Variants in MTMR7 observed in about 807,000 individuals in gnomAD.
The protein encoded by MTMR7 is myotubularin related protein 7.
MTMR7 carries 76 observed loss-of-function variants against 81.2 expected under a neutral mutation model. The observed-to-expected ratio is 0.94, with a 90% CI of 0.78 to 1.13. The LOEUF is 1.13. Among genes scored for constraint, MTMR7 ranks in the 50% most tolerant of loss-of-function variants. The probability of loss-of-function intolerance (pLI) is 0.00; values close to 1 mark genes in which losing one functional copy is unlikely to be tolerated. For synonymous variants in MTMR7, 372 were observed against 289.8 expected (o/e 1.28, Z -2.88); for missense variants, 1,044 against 820.0 (o/e 1.27, Z -3.34).
At chr8:17,367,805 A>C (rs929003573) in intron 3 of MTMR7, among the ~76,000 whole-genome samples, 4 of 151,870 alleles carry the variant, frequency 2.6e-5, no homozygotes, top group African/African-American at 9.7e-5. Flanking sequence ...CCCTCTGCTA[A>C]CAGCTGGAAA....
chr8:17,306,236 A>C (rs1450069842), intron 10 of MTMR7, among the ~76,000 whole-genome samples: 1 of 152,174 alleles, frequency 6.6e-6, no homozygotes, highest in African/African-American at 2.4e-5. Context: ...CCACAGAAAA[A>C]GGGCATTTTT....
At chr8:17,388,200 A>T (rs1432337950) in intron 1 of MTMR7, among the ~76,000 whole-genome samples, 1 of 152,238 alleles carries the variant, frequency 6.6e-6, no homozygotes, top group Non-Finnish European at 1.5e-5. Context: ...CTGGATATGT[A>T]GGCTTAAAAG....
At chr8:17,340,015 G>C (rs11203844) in intron 6 of MTMR7, among the ~76,000 whole-genome samples, 1 of 152,104 alleles carries the variant, frequency 6.6e-6, no homozygotes, top group Non-Finnish European at 1.5e-5. Context: ...GCAATGGCAC[G>C]ATCTCGGCTC....
chr8:17,303,123 TACTTTGAGGGCAAGG>T (rs1251778726), intron 12 of MTMR7, among the ~76,000 whole-genome samples: 1 of 152,202 alleles, frequency 6.6e-6, no homozygotes, highest in African/African-American at 2.4e-5. Context: ...GATAAGTAAG[TACTTTGAGGGCAAGG>T]ACTTGGTGTC....
intron 4 of MTMR7, among the ~76,000 whole-genome samples, chr8:17,350,997 G>A (rs1375744496): frequency 1.3e-5 from 2 of 152,098 alleles, no homozygotes; most frequent in Non-Finnish European, 1.5e-5. Context: ...CATAAAACAC[G>A]GCACTCCCTC....
intron 7 of MTMR7, among the ~76,000 whole-genome samples, chr8:17,323,985 G>A (rs1818540177): frequency 1.3e-5 from 2 of 152,156 alleles, no homozygotes; most frequent in South Asian, 2.1e-4. Context: ...ACATCGCTGA[G>A]AGAAATATAA....
intron 1 of MTMR7, among the ~76,000 whole-genome samples, chr8:17,396,672 G>A (rs1369640912): frequency 6.6e-6 from 1 of 152,040 alleles, no homozygotes; most frequent in Non-Finnish European, 1.5e-5. Flanking sequence ...GCAACTCCTA[G>A]TCAAGTCCTA....
At chr8:17,357,111 T>C (rs1269623606) in intron 4 of MTMR7, among the ~76,000 whole-genome samples, 10 of 152,298 alleles carry the variant, frequency 6.6e-5, no homozygotes, top group African/African-American at 2.4e-4. Context: ...TTTAAAACTA[T>C]GTTATATTTG....
intron 5 of MTMR7, among the ~76,000 whole-genome samples, chr8:17,348,028 G>C (rs1047062461): frequency 5.9e-5 from 9 of 152,126 alleles, no homozygotes. Flanking sequence ...AGGCTAAGTG[G>C]GGTGGGGCCA....
At chr8:17,388,739 G>C (rs949910644) in intron 1 of MTMR7, among the ~76,000 whole-genome samples, 2 of 152,086 alleles carry the variant, frequency 1.3e-5, no homozygotes, top group African/African-American at 4.8e-5. Context: ...CAGGCACAGA[G>C]AGACCCAAGT....
chr8:17,381,562 G>A (rs955831638), intron 1 of MTMR7, among the ~76,000 whole-genome samples: 2 of 152,180 alleles, frequency 1.3e-5, no homozygotes, highest in African/African-American at 2.4e-5. Flanking sequence ...AATCCAAAGT[G>A]CAGGGCCGGG....
Position 17,338,299 on chromosome 8 carries a change from CT to C in MTMR7, c.732+3063del, listed in dbSNP as rs56739945. Among the ~76,000 whole-genome samples the C allele has an allele frequency of 4.7e-3, 714 of 152,272 alleles. 4 individuals carry two copies. Among genetic ancestry groups the C allele is most frequent in the African/African-American group, 0.016 (668 of 41,546 alleles). On this transcript the variant is annotated intron_variant, in intron 6 of 13. Coordinates refer to ENST00000180173, the MANE Select transcript of MTMR7 (RefSeq NM_004686.5). The stretch of plus-strand genomic sequence containing the variant: ...TCCTTTGGATTAACTTATTTTAAAT[CT>C]GGAATATGCCTGGCTCTACAGCTGC...
intron 4 of MTMR7, chr8:17,349,573 TC>T (rs57633253): frequency 0.025 from 3,870 of 155,710 alleles, 179 homozygotes; most frequent in African/African-American, 0.089. Flanking sequence ...AGCTGATGCC[TC>T]CCCGGACACT....
Position 17,305,985 on chromosome 8 carries a change from TA to T in MTMR7, c.1152-29del, listed in dbSNP as rs778698034. 3.2e-6 allele frequency: 5 copies of T among 1,547,254 alleles called. No individual in the cohort carries two copies. The South Asian group carries it at 5.9e-5, about 18-fold the overall frequency. ...ATAAAACAAAGCATTAGAGACTTTT[TA>T]AGGCAGATTTATTTTTAAAGTACAA... On this transcript the variant is annotated intron_variant, in intron 10 of 13. Transcript: ENST00000180173.
chr8:17,397,424 G>T (rs1425928528), intron 1 of MTMR7, among the ~76,000 whole-genome samples: 1 of 152,134 alleles, frequency 6.6e-6, no homozygotes, highest in African/African-American at 2.4e-5. Flanking sequence ...GAACGTCGGT[G>T]GTGGCCTGCA....
At chr8:17,306,016 A>G (rs1363136451) in intron 10 of MTMR7, 59 bp from the exon 11 acceptor site, 2 of 1,406,298 alleles carry the variant, frequency 1.4e-6, no homozygotes, top group Admixed American at 2.1e-5. Context: ...GTACAAAGCC[A>G]TAAATGCAAA....
intron 6 of MTMR7, among the ~76,000 whole-genome samples, chr8:17,334,683 G>A (rs1819170317): frequency 6.6e-6 from 1 of 152,216 alleles, no homozygotes; most frequent in South Asian, 2.1e-4. Flanking sequence ...AGCTGTTCCT[G>A]TTGCCTTCAG....
rs1413806727 is a variant in MTMR7 at position 17,359,300 on chromosome 8, T to C, written c.468+1817A>G. On this transcript the variant is annotated intron_variant, in intron 4 of 13. Coordinates refer to ENST00000180173, the MANE Select transcript of MTMR7 (RefSeq NM_004686.5). Reference sequence around the variant, plus strand: ...TGATTGTTTAAGTACCATATAGCAATGTAGCAAATCCTCGTGAAACTGGGC... The same window carrying C: ...TGATTGTTTAAGTACCATATAGCAACGTAGCAAATCCTCGTGAAACTGGGC... 3.3e-5 allele frequency among the ~76,000 whole-genome samples: 5 copies of C among 152,210 alleles called. No individual in the cohort carries two copies. The East Asian group carries it at 9.7e-4, about 29-fold the overall frequency.
intron 2 of MTMR7, among the ~76,000 whole-genome samples, chr8:17,371,865 T>G (rs1369612916): frequency 7.3e-5 from 11 of 150,532 alleles, no homozygotes; most frequent in Non-Finnish European, 8.9e-5. Context: ...TTTTTTTTTT[T>G]TTTTTTTTTT....
Sources: gnomAD v4.1 joint callset for allele counts (sites outside exome capture counted in the v4.1 genomes callset) on GRCh38, gnomAD v4.1.1 for gene constraint, MANE v1.5 for transcripts, NCBI Gene and HGNC (gene_info 2026-07-23, HGNC 2026-07-21) for gene names.